The following SH3PXD2B variants were observed in gnomAD, a reference collection of about 807,000 sequenced individuals.
SH3PXD2B encodes SH3 and PX domains 2B, also known as SH3 and PX domain-containing protein 2B.
SH3PXD2B carries 37 observed loss-of-function variants against 73.1 expected under a neutral mutation model. That is an observed-to-expected ratio of 0.51 (90% CI 0.39 to 0.67). SH3PXD2B has a LOEUF of 0.67. Among genes scored for constraint, SH3PXD2B ranks in the 30% least tolerant of loss-of-function variants. The pLI is 0.00. For missense variants in SH3PXD2B, 1,053 were observed against 1,197.8 expected (o/e 0.88, Z 1.78); for synonymous variants, 457 against 480.5 (o/e 0.95, Z 0.64).
Position 172,336,482 on chromosome 5 carries a change from A to G in SH3PXD2B, c.*1887T>C. 1 of 986,052 alleles carries G rather than the reference A, an allele frequency of 1.0e-6. No homozygotes were observed. The highest frequency in any genetic ancestry group is 1.2e-6 in the Non-Finnish European group (1 of 830,050). The allele number at this position is 986,052 out of a possible 1,614,324, so 61.1% of individuals were successfully genotyped here. A position where few individuals can be genotyped will look rare whatever the true frequency, so the allele number is the denominator to read the frequency against. The stretch of plus-strand genomic sequence containing the variant: ...ACTGGACGAAGGCACTAAAGATGCT[A>G]CAGGTGATCAGAGGAAGCTCCTCAC... On this transcript the variant is annotated 3_prime_UTR_variant, in exon 13 of 13. Coordinates refer to ENST00000311601, the MANE Select transcript of SH3PXD2B (RefSeq NM_001017995.3).
rs1756643605 is a variant in SH3PXD2B, at chr5:172,334,600, A to T, written c.*3769T>A. 1 of 985,362 alleles carries T rather than the reference A, an allele frequency of 1.0e-6. No individual in the cohort carries two copies. The highest frequency in any genetic ancestry group is 4.7e-5 in the South Asian group (1 of 21,290). The allele number at this position is 985,362 out of a possible 1,614,324, so 61.0% of individuals were successfully genotyped here. A position where few individuals can be genotyped will look rare whatever the true frequency, so the allele number is the denominator to read the frequency against. ...AGAAAGGTACGGCCTCCAAGGGGGC[A>T]GCTTAAGCCAACATGTAAGACTTGG... On this transcript the variant is annotated 3_prime_UTR_variant, in exon 13 of 13. Transcript: ENST00000311601.
chr5:172,428,065 C>T (rs1009605450), intron 1 of SH3PXD2B, among the ~76,000 whole-genome samples: 6 of 152,228 alleles, frequency 3.9e-5, no homozygotes, highest in African/African-American at 9.6e-5. Context: ...CATGAGCCAC[C>T]GCACCTGGCC....
chr5:172,342,631 T>G (rs1371326245), intron 12 of SH3PXD2B, among the ~76,000 whole-genome samples: 2 of 152,050 alleles, frequency 1.3e-5, no homozygotes, highest in Admixed American at 6.5e-5. Context: ...TGTGGTGGCA[T>G]GCGCCTGTAA....
In SH3PXD2B at chr5:172,326,857, A is replaced by ATTTTT. The variant is rs1175095358; in HGVS notation, c.1189-1482_1189-1478dup. Among the ~76,000 whole-genome samples the ATTTTT allele has an allele frequency of 2.7e-3, 365 of 135,614 alleles. 1 individual carries two copies. The highest frequency in any genetic ancestry group is 9.4e-3 in the African/African-American group (344 of 36,788). The allele number at this position is 135,614 out of a possible 152,430, so 89.0% of individuals were successfully genotyped here. On this transcript the variant is annotated intron_variant, in intron 12 of 12. Transcript: ENST00000519643. Reference sequence around the variant, plus strand: ...TACTAGGCAATGAAAATGTCTCAAGATTTTTTTTTTTTTTTTTGCGACAGA... The same window carrying ATTTTT: ...TACTAGGCAATGAAAATGTCTCAAGATTTTTTTTTTTTTTTTTTTTTTGCGACAGA...
intron 5 of SH3PXD2B, among the ~76,000 whole-genome samples, chr5:172,378,842 A>G (rs1250991893): frequency 6.6e-6 from 1 of 152,094 alleles, no homozygotes; most frequent in Middle Eastern, 3.2e-3. Context: ...AGGCCAAGAC[A>G]GGTGGATCAC....
At chr5:172,404,153 A>C (rs1758496555) in intron 3 of SH3PXD2B, among the ~76,000 whole-genome samples, 2 of 152,164 alleles carry the variant, frequency 1.3e-5, no homozygotes, top group South Asian at 4.1e-4. Flanking sequence ...GAGGCCTGGC[A>C]AACACATGCG....
chr5:172,418,310 T>C (rs1338730203), intron 2 of SH3PXD2B, among the ~76,000 whole-genome samples: 3 of 152,212 alleles, frequency 2.0e-5, no homozygotes, highest in Non-Finnish European at 4.4e-5. Flanking sequence ...GCTGTTTCTA[T>C]TGTTTTCACC....
At chr5:172,328,312 G>A (rs980365987) in intron 12 of SH3PXD2B, among the ~76,000 whole-genome samples, 6 of 151,692 alleles carry the variant, frequency 4.0e-5, no homozygotes, top group Non-Finnish European at 7.4e-5. Context: ...CACTATATTG[G>A]CCAGGCTGGT....
chr5:172,370,828 T>C (rs1052207651), intron 6 of SH3PXD2B, among the ~76,000 whole-genome samples: 21 of 152,246 alleles, frequency 1.4e-4, no homozygotes, highest in Non-Finnish European at 5.9e-5. Flanking sequence ...CGTTTAGTTG[T>C]TAAGTGAAGA....
chr5:172,337,686 C>A lies in SH3PXD2B; in HGVS notation c.*683G>T, dbSNP rs1756736555. ...CGCAGCATACGCGGGGCTGGAACCA[C>A]CCTTCAGGGCTGACCACGGTCCCAA... On this transcript the variant is annotated 3_prime_UTR_variant, in exon 13 of 13. Transcript: ENST00000311601. 2.0e-6 allele frequency: 2 copies of A among 988,150 alleles called. No individual in the cohort carries two copies. The highest frequency in any genetic ancestry group is 9.3e-5 in the South Asian group (2 of 21,408). 61.2% of individuals were successfully genotyped at this position (988,150 alleles called of 1,614,324 possible).
At chr5:172,325,815 G>A (rs564352641) in intron 12 of SH3PXD2B, among the ~76,000 whole-genome samples, 22 of 152,266 alleles carry the variant, frequency 1.4e-4, no homozygotes, top group African/African-American at 5.1e-4. Context: ...GCGTTTCGCT[G>A]TTGTTGCCCA....
rs1182114956 is a variant in SH3PXD2B, at chr5:172,452,633, C to T, written c.75+1645G>A. On this transcript the variant is annotated intron_variant, in intron 1 of 12. Transcript: ENST00000311601. ...TGATAGGAGAGGCCAGAAGAGGGCG[C>T]GTGGACGATGATGGCCGGGCCTCGG... Among the ~76,000 whole-genome samples, 12 of 152,090 alleles carry T rather than the reference C, an allele frequency of 7.9e-5. No homozygotes were observed. In the East Asian group the frequency reaches 1.9e-3, roughly 24 times the overall value.
At position 172,337,295 on chromosome 5, in the gene SH3PXD2B, T is replaced by A. The variant is rs1203835900; in HGVS notation, c.*1074A>T. The A allele has an allele frequency of 1.0e-6, 1 of 985,516 alleles. No homozygotes were observed. Among genetic ancestry groups the A allele is most frequent in the African/African-American group, 1.7e-5 (1 of 57,238 alleles). 61.0% of individuals were successfully genotyped at this position (985,516 alleles called of 1,614,324 possible). ...CACCACTTAGCCAGCTTCTATCTCTTCCCTGCCTGGTTTGTCTTTTACAGA... is the reference window on the plus strand; with the variant it reads ...CACCACTTAGCCAGCTTCTATCTCTACCCTGCCTGGTTTGTCTTTTACAGA... On this transcript the variant is annotated 3_prime_UTR_variant, in exon 13 of 13. Coordinates refer to ENST00000311601, the MANE Select transcript of SH3PXD2B (RefSeq NM_001017995.3).
chr5:172,382,495 A>AG (rs1394442561), intron 4 of SH3PXD2B, among the ~76,000 whole-genome samples: 2 of 151,684 alleles, frequency 1.3e-5, no homozygotes, highest in African/African-American at 2.4e-5. Flanking sequence ...AGTTCTGCGG[A>AG]GGGGGCTGAG....
rs1357446997 is a variant in SH3PXD2B, at chr5:172,336,362, C to T, written c.*2007G>A. Reference sequence around the variant, plus strand: ...CGGCCCTTCCCCACCTCCCTTCTTCCCCTGGCTGCCATCTGCCCCCAACGC... The same window carrying T: ...CGGCCCTTCCCCACCTCCCTTCTTCTCCTGGCTGCCATCTGCCCCCAACGC... On this transcript the variant is annotated 3_prime_UTR_variant, in exon 13 of 13. Transcript: ENST00000311601. 4.1e-6 allele frequency: 4 copies of T among 985,674 alleles called. No homozygotes were observed. The highest frequency in any genetic ancestry group is 4.8e-6 in the Non-Finnish European group (4 of 830,004). 61.1% of individuals were successfully genotyped at this position (985,674 alleles called of 1,614,324 possible). A position where few individuals can be genotyped will look rare whatever the true frequency, so the allele number is the denominator to read the frequency against.
downstream of SH3PXD2B, among the ~76,000 whole-genome samples, chr5:172,329,683 AC>A (rs1442825172): frequency 6.6e-6 from 1 of 151,462 alleles, no homozygotes; most frequent in Admixed American, 6.6e-5. Flanking sequence ...GACTACAGGC[AC>A]CCGCCACCAC....
At chr5:172,326,583 A>C (rs78492128) in intron 12 of SH3PXD2B, among the ~76,000 whole-genome samples, 1 of 152,208 alleles carries the variant, frequency 6.6e-6, no homozygotes, top group African/African-American at 2.4e-5. Flanking sequence ...CTTTGGAAAG[A>C]TGTCCATTTT....
chr5:172,346,246 G>C lies in SH3PXD2B; in HGVS notation c.1078C>G (p.Leu360Val). ...TGGGGCGGGATGGGCGGCTTCGGCA[G>C]GTTGAGGCCTCGAGGCTGGTACGAT... is the stretch of plus-strand genomic sequence containing the variant. ...RDMTIPRGLN[L>V]PKPPIPPQVE... is the part of the protein sequence containing the mutation. The change falls in exon 12 of 13, where the codon CTG (leucine) becomes GTG (valine). Residue 360 changes from leucine (L) to valine (V), a missense_variant. By Grantham distance (32) the Leu-to-Val change is conservative (BLOSUM62 1). This residue lies in a region of SH3PXD2B where 466 missense variants were observed against 607.1 expected (regional missense o/e 0.77). Transcript: ENST00000311601. The C allele has an allele frequency of 6.2e-7, 1 of 1,614,006 alleles. No homozygotes were observed. The highest frequency in any genetic ancestry group is 8.5e-7 in the Non-Finnish European group (1 of 1,180,006).
chr5:172,373,719 G>C, intron 6 of SH3PXD2B, 71 bp downstream of exon 6: 1 of 1,511,520 alleles, frequency 6.6e-7, no homozygotes, highest in Non-Finnish European at 9.1e-7. Flanking sequence ...CCAGAGCCTG[G>C]TGCACAGTTG....
Sources: allele counts gnomAD v4.1 joint callset (sites outside exome capture counted in the v4.1 genomes callset), GRCh38; gene constraint gnomAD v4.1.1; regional missense constraint gnomAD v4.1.1; transcripts MANE v1.5; gene names NCBI Gene and HGNC (gene_info 2026-07-23, HGNC 2026-07-21).